SHISA9: variants seen among roughly 807,000 people sequenced by gnomAD.
The protein encoded by SHISA9 is shisa family member 9, also known as protein shisa-9.
SHISA9 carries 13 observed loss-of-function variants against 38.0 expected under a neutral mutation model. That is an observed-to-expected ratio of 0.34 (90% CI 0.22 to 0.54). SHISA9 has a LOEUF of 0.54. Among genes scored for constraint, SHISA9 ranks in the 20% least tolerant of loss-of-function variants. The pLI, the probability that SHISA9 is intolerant of heterozygous loss-of-function variation, is 0.91. For missense variants in SHISA9, 538 were observed against 575.8 expected, an observed-to-expected ratio of 0.93 and a Z score of 0.67; for synonymous variants, 275 against 242.0, an observed-to-expected ratio of 1.14 and a Z score of -1.27.
intron 2 of SHISA9, among the ~76,000 whole-genome samples, chr16:13,107,329 G>A (rs929358620): frequency 6.6e-6 from 1 of 151,984 alleles, no homozygotes; most frequent in East Asian, 1.9e-4. Flanking sequence ...CAGTTACTTG[G>A]GAGGCTGAGG....
chr16:13,444,512 A>G, the SHISA9 span, among the ~76,000 whole-genome samples: 142 of 151,926 alleles, frequency 9.3e-4, no homozygotes, highest in African/African-American at 3.2e-3. Flanking sequence ...TTTTGGAAAT[A>G]TTTTCATTTT....
Position 13,204,206 on chromosome 16 carries a change from GTCTGTCTATCTATCTA to G in SHISA9, c.847+661_847+676del, listed in dbSNP as rs1399518005. The stretch of plus-strand genomic sequence containing the variant: ...CTTTCTATCTACCTATTATCTGTCT[GTCTGTCTATCTATCTA>G]TCTATCTATCTATCTATCTATCTAT... On this transcript the variant is annotated intron_variant, in intron 3 of 4. Transcript: ENST00000558583. 1.8e-4 allele frequency among the ~76,000 whole-genome samples: 25 copies of G among 138,150 alleles called. 1 individual carries two copies. Among genetic ancestry groups the G allele is most frequent in the Middle Eastern group, 3.7e-3 (1 of 270 alleles). 90.6% of individuals were successfully genotyped at this position (138,150 alleles called of 152,430 possible). A position where few individuals can be genotyped will look rare whatever the true frequency, so the allele number is the denominator to read the frequency against.
At chr16:13,204,493 A>T (rs991474406) in intron 3 of SHISA9, among the ~76,000 whole-genome samples, 1 of 152,224 alleles carries the variant, frequency 6.6e-6, no homozygotes, top group African/African-American at 2.4e-5. Context: ...GAATCTTGAC[A>T]TAGAATCTAG....
At chr16:13,435,905 G>A in the SHISA9 span, among the ~76,000 whole-genome samples, 2 of 152,192 alleles carry the variant, frequency 1.3e-5, no homozygotes, top group Non-Finnish European at 2.9e-5. Context: ...GCATAAGTGA[G>A]CTGTATGGCT....
chr16:13,330,312 C>T, the SHISA9 span, among the ~76,000 whole-genome samples: 1 of 152,194 alleles, frequency 6.6e-6, no homozygotes, highest in East Asian at 1.9e-4. Flanking sequence ...TACAGTGCAT[C>T]AAAGTGCTTT....
the SHISA9 span, among the ~76,000 whole-genome samples, chr16:13,326,589 C>T: frequency 9.9e-5 from 15 of 152,158 alleles, no homozygotes; most frequent in East Asian, 1.9e-4. Context: ...GGCGTAGTGT[C>T]GCATGCCTGT....
chr16:13,146,387 TG>T (rs1332937681), intron 2 of SHISA9, among the ~76,000 whole-genome samples: 1 of 152,184 alleles, frequency 6.6e-6, no homozygotes, highest in African/African-American at 2.4e-5. Context: ...GTTTAATTTT[TG>T]TGAGTACATG....
intron 2 of SHISA9, among the ~76,000 whole-genome samples, chr16:12,985,877 G>A (rs557394475): frequency 1.3e-5 from 2 of 152,168 alleles, no homozygotes; most frequent in Non-Finnish European, 2.9e-5. Context: ...CTAAGAGTTT[G>A]TATCCTGCTT....
At chr16:13,453,761 G>T in the SHISA9 span, among the ~76,000 whole-genome samples, 28 of 152,294 alleles carry the variant, frequency 1.8e-4, no homozygotes, top group South Asian at 2.3e-3. Flanking sequence ...TGATATAGGG[G>T]ACCACATAGG....
the SHISA9 span, among the ~76,000 whole-genome samples, chr16:13,339,068 A>T: frequency 2.6e-5 from 4 of 151,666 alleles, no homozygotes; most frequent in African/African-American, 9.7e-5. Context: ...CTTGCAATTT[A>T]TGGGGATTGT....
chr16:13,416,392 C>G, the SHISA9 span, among the ~76,000 whole-genome samples: 3 of 152,130 alleles, frequency 2.0e-5, no homozygotes, highest in African/African-American at 7.2e-5. Context: ...CACATAAGCA[C>G]TAGAGTACAT....
the SHISA9 span, among the ~76,000 whole-genome samples, chr16:13,433,325 G>A: frequency 1.4e-4 from 22 of 152,140 alleles, no homozygotes; most frequent in African/African-American, 5.3e-4. Flanking sequence ...TTGCTCGTCT[G>A]TAAATCTGAA....
the SHISA9 span, among the ~76,000 whole-genome samples, chr16:13,391,596 G>A: frequency 1.8e-4 from 28 of 152,284 alleles, 1 homozygote; most frequent in African/African-American, 5.3e-4. Flanking sequence ...CTAGACCTTA[G>A]CAGTGCACTG....
chr16:13,042,077 A>G (rs2073138274), intron 2 of SHISA9, among the ~76,000 whole-genome samples: 1 of 152,296 alleles, frequency 6.6e-6, no homozygotes, highest in Middle Eastern at 3.4e-3. Flanking sequence ...GGCAGTGGCA[A>G]TTACCAACAA....
the SHISA9 span, among the ~76,000 whole-genome samples, chr16:13,293,415 G>A: frequency 6.6e-6 from 1 of 152,154 alleles, no homozygotes; most frequent in Non-Finnish European, 1.5e-5. Context: ...GCAGAATCGT[G>A]CAGTGGTTGA....
chr16:13,320,633 C>T, the SHISA9 span, among the ~76,000 whole-genome samples: 7 of 152,176 alleles, frequency 4.6e-5, no homozygotes, highest in Admixed American at 2.0e-4. Flanking sequence ...ATGGCTTCTT[C>T]CAGAGATCAA....
chr16:13,190,861 G>C (rs545118473), intron 2 of SHISA9, among the ~76,000 whole-genome samples: 4 of 151,536 alleles, frequency 2.6e-5, no homozygotes, highest in Admixed American at 2.6e-4. Flanking sequence ...ATAAACTCTT[G>C]GGTAACACCA....
chr16:12,912,861 T>G (rs1354399424), intron 1 of SHISA9, among the ~76,000 whole-genome samples: 2 of 152,164 alleles, frequency 1.3e-5, no homozygotes, highest in Non-Finnish European at 2.9e-5. Context: ...TCCATTGGCC[T>G]TCTTGCTTGT....
At chr16:13,454,121 G>C in the SHISA9 span, among the ~76,000 whole-genome samples, 1 of 152,190 alleles carries the variant, frequency 6.6e-6, no homozygotes, top group African/African-American at 2.4e-5. Flanking sequence ...TAGCTGTAAG[G>C]AGATGAGAGG....
Sources: allele counts gnomAD v4.1 joint callset (sites outside exome capture counted in the v4.1 genomes callset), GRCh38; gene constraint gnomAD v4.1.1; transcripts MANE v1.5; gene names NCBI Gene and HGNC (gene_info 2026-07-23, HGNC 2026-07-21).